RAD17: variants seen among roughly 807,000 people sequenced by gnomAD.
RAD17 encodes the protein RAD17 checkpoint clamp loader component.
In RAD17, 31 loss-of-function variants were observed where a neutral mutation model predicts 81.5. That is an observed-to-expected ratio of 0.38 (90% CI 0.29 to 0.51). The LOEUF is 0.51. Ranked by LOEUF, RAD17 falls within the 20% of genes least tolerant of loss-of-function variation. RAD17 has a pLI of 0.88. For synonymous variants in RAD17, 261 were observed against 266.2 expected (o/e 0.98, Z 0.19); for missense variants, 681 against 781.2 (o/e 0.87, Z 1.53).
rs1361209591 is a variant in RAD17, at chr5:69,386,107, T to C, written c.698+12T>C. 6.2e-7 allele frequency: 1 copy of C among 1,603,738 alleles called. No individual in the cohort carries two copies. Among genetic ancestry groups the C allele is most frequent in the African/African-American group, 1.3e-5 (1 of 74,592 alleles). On this transcript the variant is annotated intron_variant, in intron 9 of 18. Transcript: ENST00000354868. ...CATGAAGTTCTAAGGTAGGTTTCAG[T>C]GAAGTATTCTAAAACTCCAAATTAA... is the stretch of plus-strand genomic sequence containing the variant.
chr5:69,377,559 GTA>G (rs1183524027), intron 6 of RAD17, among the ~76,000 whole-genome samples: 493 of 10,256 alleles, frequency 0.048, 112 homozygotes, highest in African/African-American at 0.088. Flanking sequence ...GCATATATAT[GTA>G]TATATATATG....
chr5:69,370,038 C>T, intron 1 of RAD17, 105 bp downstream of exon 1: 1 of 349,810 alleles, frequency 2.9e-6, no homozygotes, highest in South Asian at 4.0e-5. Flanking sequence ...CCTCCCGACC[C>T]GCCCATCCCA....
At position 69,404,072 on chromosome 5, in the gene RAD17, C is replaced by T. The variant is rs546881682; in HGVS notation, c.1693+3903C>T. Among the ~76,000 whole-genome samples the T allele has an allele frequency of 3.9e-3, 590 of 152,140 alleles. 2 individuals are homozygous for T. Among genetic ancestry groups the T allele is most frequent in the Non-Finnish European group, 5.3e-3 (357 of 68,000 alleles). On this transcript the variant is annotated intron_variant, in intron 17 of 18. Transcript: ENST00000354868. ...AGGTGATCATTAATGAAATATGGCC[C>T]TTAAAATACACATTACAAAAGAGAA...
At chr5:69,383,835 T>C (rs1580379149) in intron 7 of RAD17, among the ~76,000 whole-genome samples, 1 of 152,210 alleles carries the variant, frequency 6.6e-6, no homozygotes, top group Middle Eastern at 3.2e-3. Flanking sequence ...TTCTAAATAG[T>C]AGCATTACTT....
intron 11 of RAD17, among the ~76,000 whole-genome samples, chr5:69,387,905 A>G (rs1764315199): frequency 6.6e-6 from 1 of 152,164 alleles, no homozygotes; most frequent in South Asian, 2.1e-4. Context: ...GTGCTCCTGT[A>G]TTCCCAGCTA....
At chr5:69,392,864 G>T in intron 13 of RAD17, 2 of 466,424 alleles carry the variant, frequency 4.3e-6, no homozygotes, top group Non-Finnish European at 4.1e-6. Context: ...GAGAAATCAA[G>T]GGAAGAAAGC....
chr5:69,388,985 G>A lies in RAD17; in HGVS notation c.895-49G>A, dbSNP rs375075214. ...AAATAGGTTGGGGTTTTTTGTTGTT[G>A]TTATTTTTAAGAAAATACTTTTTTT... is the stretch of plus-strand genomic sequence containing the variant. On this transcript the variant is annotated intron_variant, in intron 11 of 18. Transcript: ENST00000354868. The A allele has an allele frequency of 1.8e-4, 184 of 997,178 alleles. No individual in the cohort carries two copies. The Middle Eastern group carries it at 3.4e-3, about 19-fold the overall frequency. The allele number at this position is 997,178 out of a possible 1,614,324, so 61.8% of individuals were successfully genotyped here. A position where few individuals can be genotyped will look rare whatever the true frequency, so the allele number is the denominator to read the frequency against.
intron 17 of RAD17, among the ~76,000 whole-genome samples, chr5:69,406,041 C>A (rs1415238767): frequency 1.0e-4 from 13 of 127,398 alleles, no homozygotes; most frequent in African/African-American, 3.5e-4. Flanking sequence ...GACTCCATCT[C>A]AAAAAAAAAA....
intron 18 of RAD17, among the ~76,000 whole-genome samples, chr5:69,410,965 C>CTGTCTATATA (rs35777347): frequency 1.1e-5 from 1 of 90,264 alleles, no homozygotes; most frequent in African/African-American, 4.9e-5. Flanking sequence ...AGATGTCTGT[C>CTGTCTATATA]TATATATATA....
intron 17 of RAD17, among the ~76,000 whole-genome samples, chr5:69,404,243 A>G (rs1203102770): frequency 6.6e-6 from 1 of 152,218 alleles, no homozygotes; most frequent in Admixed American, 6.5e-5. Context: ...AGCAAAAATA[A>G]ACAAATAGGA....
upstream of RAD17, chr5:69,369,296 C>A: frequency 1.6e-6 from 1 of 638,902 alleles, no homozygotes; most frequent in South Asian, 2.8e-5. Flanking sequence ...CCTCGCCTCC[C>A]GCAACGCCCG....
In RAD17 at chr5:69,374,694, G is replaced by A. The variant is rs779263150; in HGVS notation, c.334G>A (p.Glu112Lys). The A allele has an allele frequency of 5.0e-5, 80 of 1,610,984 alleles. No homozygotes were observed. Among genetic ancestry groups the A allele is most frequent in the Non-Finnish European group, 6.8e-5 (80 of 1,178,574 alleles). ...AACCTGGTTAAAAGCTCAAGTTTTAGAAAGGCAACCAAAACAGGTAACTAA... is the reference window on the plus strand; with the variant it reads ...AACCTGGTTAAAAGCTCAAGTTTTAAAAAGGCAACCAAAACAGGTAACTAA... ...VETWLKAQVL[E>K]RQPKQGGSIL... The change falls in exon 6 of 19, where the codon GAA (glutamate) becomes AAA (lysine). Residue 112 changes from glutamate to lysine, a missense_variant. By Grantham distance (56) the Glu-to-Lys change is moderately conservative. Coordinates refer to ENST00000354868, the MANE Select transcript of RAD17 (RefSeq NM_133338.3).
intron 15 of RAD17, 34 bp downstream of exon 15, chr5:69,393,534 T>C: frequency 6.5e-7 from 1 of 1,544,990 alleles, no homozygotes; most frequent in African/African-American, 1.4e-5. Context: ...TTTATGTTTA[T>C]AGTATTTCCT....
At chr5:69,371,243 CTT>C (rs1393484210) in intron 2 of RAD17, 72 bp downstream of exon 2, 18 of 541,644 alleles carry the variant, frequency 3.3e-5, no homozygotes, top group Middle Eastern at 7.6e-4. Context: ...GTGAAAAACT[CTT>C]AACACCACAA....
chr5:69,398,745 G>A (rs372337543), intron 16 of RAD17, among the ~76,000 whole-genome samples: 1 of 151,524 alleles, frequency 6.6e-6, no homozygotes, highest in African/African-American at 2.4e-5. Context: ...GGCAGAAGTT[G>A]CAGTGAGCCG....
chr5:69,375,564 G>T (rs1763283510), intron 6 of RAD17, among the ~76,000 whole-genome samples: 1 of 151,818 alleles, frequency 6.6e-6, no homozygotes, highest in Non-Finnish European at 1.5e-5. Context: ...TCCCCCTTAA[G>T]TATTTTAAAG....
intron 11 of RAD17, among the ~76,000 whole-genome samples, chr5:69,387,145 G>A (rs1030583760): frequency 6.6e-6 from 1 of 151,886 alleles, no homozygotes; most frequent in Admixed American, 6.6e-5. Context: ...GGCTGGTCTC[G>A]AATTCCTGGC....
At chr5:69,371,753 T>A (rs1763021280) in intron 3 of RAD17, among the ~76,000 whole-genome samples, 196 bp downstream of exon 3, 1 of 152,122 alleles carries the variant, frequency 6.6e-6, no homozygotes, top group South Asian at 2.1e-4. Flanking sequence ...TGAAAAAGTG[T>A]TTTACAGTCC....
Position 69,393,505 on chromosome 5 carries a change from G to T in RAD17, c.1422+5G>T, listed in dbSNP as rs1414842317. The T allele has an allele frequency of 1.3e-6, 2 of 1,588,794 alleles. No homozygotes were observed. Among genetic ancestry groups the T allele is most frequent in the Non-Finnish European group, 1.7e-6 (2 of 1,172,526 alleles). Reference sequence around the variant, plus strand: ...ATCCTCAGTGGTGACTGGAATGTAAGACCATTTGACTTAAAATGTTTATGT... The same window carrying T: ...ATCCTCAGTGGTGACTGGAATGTAATACCATTTGACTTAAAATGTTTATGT... On this transcript the variant is annotated splice_donor_5th_base_variant and intron_variant, in intron 15 of 18. Transcript: ENST00000354868.
Sources: gnomAD v4.1 joint callset for allele counts (sites outside exome capture counted in the v4.1 genomes callset) on GRCh38, gnomAD v4.1.1 for gene constraint, MANE v1.5 for transcripts, NCBI Gene and HGNC (gene_info 2026-07-23, HGNC 2026-07-21) for gene names.